CNBD1: variants seen among roughly 807,000 people sequenced by gnomAD.
The protein encoded by CNBD1 is cyclic nucleotide binding domain containing 1, also known as cyclic nucleotide-binding domain-containing protein 1.
In CNBD1, 71 loss-of-function variants were observed where a neutral mutation model predicts 54.4. That is an observed-to-expected ratio of 1.30 (90% CI 1.08 to 1.59). The LOEUF (loss-of-function observed/expected upper bound fraction) is 1.59, where lower values mean the gene tolerates loss of function less well. Ranked by LOEUF, CNBD1 falls within the 40% of genes most tolerant of loss-of-function variation. CNBD1 has a pLI of 0.00. For synonymous variants in CNBD1, 182 were observed against 170.7 expected, an observed-to-expected ratio of 1.07 and a Z score of -0.51; for missense variants, 659 against 518.0, an observed-to-expected ratio of 1.27 and a Z score of -2.64.
chr8:86,981,733 A>G (rs80119551), intron 4 of CNBD1, among the ~76,000 whole-genome samples: 5,128 of 152,252 alleles, frequency 0.034, 110 homozygotes, highest in Non-Finnish European at 0.044. Flanking sequence ...ATGCCTCAAT[A>G]TTTCATTCCT....
chr8:87,381,496 C>A (rs1426201273), intron 10 of CNBD1, among the ~76,000 whole-genome samples: 1 of 151,694 alleles, frequency 6.6e-6, no homozygotes, highest in Admixed American at 6.6e-5. Context: ...TAACAGTAGA[C>A]CATATGATCT....
intron 4 of CNBD1, among the ~76,000 whole-genome samples, chr8:87,065,357 A>G (rs552779750): frequency 6.6e-6 from 1 of 151,934 alleles, no homozygotes; most frequent in African/African-American, 2.4e-5. Flanking sequence ...AATTCTGGAA[A>G]TATTTTGATG....
chr8:87,276,503 A>C (rs1808483223), intron 6 of CNBD1, among the ~76,000 whole-genome samples: 1 of 151,866 alleles, frequency 6.6e-6, no homozygotes. Flanking sequence ...AGGGCAAGCA[A>C]GAAAAAACAG....
chr8:87,339,837 G>A (rs528732705), intron 8 of CNBD1, among the ~76,000 whole-genome samples: 1 of 151,976 alleles, frequency 6.6e-6, no homozygotes, highest in Admixed American at 6.6e-5. Context: ...TACTGATGCT[G>A]TTTATTTATT....
intron 4 of CNBD1, among the ~76,000 whole-genome samples, chr8:87,142,407 G>A (rs566672634): frequency 3.3e-5 from 5 of 152,202 alleles, no homozygotes; most frequent in Middle Eastern, 3.4e-3. Context: ...ATTGGGGACC[G>A]TTTGGTTGAA....
At chr8:87,133,816 G>A (rs1450805301) in intron 4 of CNBD1, among the ~76,000 whole-genome samples, 1 of 152,026 alleles carries the variant, frequency 6.6e-6, no homozygotes, top group African/African-American at 2.4e-5. Flanking sequence ...TGATAATTAG[G>A]AAATGTTTGA....
intron 4 of CNBD1, among the ~76,000 whole-genome samples, chr8:87,021,923 C>G (rs1809495936): frequency 6.6e-6 from 1 of 152,010 alleles, no homozygotes; most frequent in Admixed American, 6.6e-5. Context: ...AGATAAAACA[C>G]ACAAATATAC....
chr8:87,419,024 C>G (rs540954746), intron 2 of CNBD1, among the ~76,000 whole-genome samples: 1 of 152,006 alleles, frequency 6.6e-6, no homozygotes, highest in African/African-American at 2.4e-5. Flanking sequence ...CAGCATTACT[C>G]ATAACAGTGC....
At chr8:87,070,836 T>C (rs1810746106) in intron 4 of CNBD1, among the ~76,000 whole-genome samples, 1 of 152,090 alleles carries the variant, frequency 6.6e-6, no homozygotes, top group Non-Finnish European at 1.5e-5. Context: ...AATATTTTAG[T>C]GCTGACCTCA....
intron 10 of CNBD1, among the ~76,000 whole-genome samples, chr8:87,354,362 G>A (rs922664792): frequency 3.3e-5 from 5 of 151,854 alleles, no homozygotes; most frequent in Non-Finnish European, 7.4e-5. Context: ...GCAGGGACCT[G>A]GGCCTCATGA....
intron 4 of CNBD1, among the ~76,000 whole-genome samples, chr8:87,083,059 G>C (rs1469072838): frequency 6.6e-6 from 1 of 152,166 alleles, no homozygotes; most frequent in African/African-American, 2.4e-5. Flanking sequence ...GGTCTGGGGA[G>C]TCATGCCCTA....
At chr8:87,350,239 A>G (rs1055409579) in intron 8 of CNBD1, among the ~76,000 whole-genome samples, 10 of 152,114 alleles carry the variant, frequency 6.6e-5, no homozygotes, top group African/African-American at 1.7e-4. Flanking sequence ...TATAATTTTA[A>G]TATCATTTTC....
chr8:87,370,863 C>G (rs1222509970), intron 10 of CNBD1, among the ~76,000 whole-genome samples: 2 of 150,692 alleles, frequency 1.3e-5, no homozygotes, highest in Admixed American at 1.3e-4. Context: ...GGTTTTAGGT[C>G]TAACGTTTAA....
chr8:87,357,025 G>A (rs1281978729), intron 10 of CNBD1, among the ~76,000 whole-genome samples: 3 of 152,206 alleles, frequency 2.0e-5, no homozygotes, highest in Non-Finnish European at 2.9e-5. Flanking sequence ...GAGACTGTAA[G>A]CTATAAGCCT....
chr8:87,055,934 C>A (rs1051056684), intron 4 of CNBD1, among the ~76,000 whole-genome samples: 3 of 137,816 alleles, frequency 2.2e-5, no homozygotes, highest in Admixed American at 7.4e-5. Flanking sequence ...TTCCTTCCTT[C>A]CTTCCTTCCT....
At chr8:87,390,144 C>T (rs1336875035) in intron 2 of CNBD1, among the ~76,000 whole-genome samples, 2 of 151,754 alleles carry the variant, frequency 1.3e-5, no homozygotes, top group South Asian at 2.1e-4. Context: ...CCATAAAAAC[C>T]CTAGGAGAAA....
At chr8:86,975,843 C>T (rs889656848) in intron 4 of CNBD1, among the ~76,000 whole-genome samples, 2 of 152,096 alleles carry the variant, frequency 1.3e-5, no homozygotes, top group Middle Eastern at 3.4e-3. Flanking sequence ...ATATTACCAC[C>T]AGCAACGTAC....
intron 4 of CNBD1, among the ~76,000 whole-genome samples, chr8:87,096,804 C>CA (rs1379437781): frequency 4.1e-5 from 6 of 145,774 alleles, no homozygotes; most frequent in Non-Finnish European, 9.1e-5. Context: ...TTTTTCTTCC[C>CA]TTTTTTTTTT....
At chr8:87,115,386 A>G (rs1036693199) in intron 4 of CNBD1, among the ~76,000 whole-genome samples, 1 of 149,230 alleles carries the variant, frequency 6.7e-6, no homozygotes, top group Non-Finnish European at 1.5e-5. Flanking sequence ...AGATTAAGGT[A>G]TTTACCATAT....
Sources: allele counts gnomAD v4.1 joint callset (sites outside exome capture counted in the v4.1 genomes callset), GRCh38; gene constraint gnomAD v4.1.1; transcripts MANE v1.5; gene names NCBI Gene and HGNC (gene_info 2026-07-23, HGNC 2026-07-21).